Variants in ALKBH1 observed in about 807,000 individuals in gnomAD.
The protein encoded by ALKBH1 is alkB homolog 1, histone H2A dioxygenase.
Under a neutral mutation model 36.6 loss-of-function variants are expected in ALKBH1, and 31 were observed. That is an observed-to-expected ratio of 0.85 (90% CI 0.64 to 1.14). The LOEUF (loss-of-function observed/expected upper bound fraction) is 1.14. Among genes scored for constraint, ALKBH1 ranks in the 50% most tolerant of loss-of-function variants. The pLI, the probability that ALKBH1 is intolerant of heterozygous loss-of-function variation, is 0.00. For synonymous variants in ALKBH1, 183 were observed against 186.6 expected, an observed-to-expected ratio of 0.98 and a Z score of 0.16; for missense variants, 490 against 497.3, an observed-to-expected ratio of 0.99 and a Z score of 0.14.
chr14:77,702,101 C>T (rs1203177012), intron 2 of ALKBH1, among the ~76,000 whole-genome samples: 1 of 152,162 alleles, frequency 6.6e-6, no homozygotes, highest in East Asian at 1.9e-4. Context: ...GAGTTCAAGA[C>T]CAGCCTGACC....
chr14:77,699,088 A>C (rs1430033319), intron 2 of ALKBH1, among the ~76,000 whole-genome samples: 1 of 152,182 alleles, frequency 6.6e-6, no homozygotes, highest in African/African-American at 2.4e-5. Flanking sequence ...CGGTCTCTTT[A>C]GCACTCAATT....
chr14:77,693,224 A>AC (rs369220185), intron 3 of ALKBH1, among the ~76,000 whole-genome samples: 12 of 126,434 alleles, frequency 9.5e-5, no homozygotes, highest in Middle Eastern at 3.9e-3. Flanking sequence ...AAAAAAAAAA[A>AC]TTTTTTTTCA....
intron 1 of ALKBH1, among the ~76,000 whole-genome samples, chr14:77,707,101 G>T (rs1325312484): frequency 6.6e-6 from 1 of 152,198 alleles, no homozygotes; most frequent in Non-Finnish European, 1.5e-5. Flanking sequence ...AACAGGTTAT[G>T]AGACTGGCTA....
intron 3 of ALKBH1, among the ~76,000 whole-genome samples, chr14:77,684,509 G>A (rs1038335654): frequency 6.6e-6 from 1 of 152,096 alleles, no homozygotes; most frequent in African/African-American, 2.4e-5. Context: ...TTACAGGCAT[G>A]CACCACCACG....
chr14:77,689,395 C>T (rs1429119287), intron 3 of ALKBH1, among the ~76,000 whole-genome samples: 1 of 152,088 alleles, frequency 6.6e-6, no homozygotes, highest in Non-Finnish European at 1.5e-5. Flanking sequence ...ATCCTAGCAT[C>T]ACATATTTTC....
chr14:77,694,598 G>A, intron 3 of ALKBH1, 140 bp downstream of exon 3: 1 of 547,266 alleles, frequency 1.8e-6, no homozygotes, highest in Non-Finnish European at 3.0e-6. Flanking sequence ...ATACAATTGT[G>A]CTGTTTTTGC....
At chr14:77,702,986 T>C (rs1241402640) in intron 2 of ALKBH1, among the ~76,000 whole-genome samples, 1 of 152,034 alleles carries the variant, frequency 6.6e-6, no homozygotes, top group East Asian at 1.9e-4. Flanking sequence ...ACCCTGTCTC[T>C]ACTAAAAATA....
At chr14:77,677,919 C>G (rs1251086196) in intron 4 of ALKBH1, among the ~76,000 whole-genome samples, 2 of 151,996 alleles carry the variant, frequency 1.3e-5, no homozygotes, top group Non-Finnish European at 1.5e-5. Flanking sequence ...TCAACCCTGT[C>G]CAAACTGTCT....
At chr14:77,678,207 C>T (rs889497332) in intron 4 of ALKBH1, among the ~76,000 whole-genome samples, 1 of 149,446 alleles carries the variant, frequency 6.7e-6, no homozygotes, top group Admixed American at 6.7e-5. Flanking sequence ...TCACAACTGC[C>T]TTATGAGGTA....
intron 4 of ALKBH1, among the ~76,000 whole-genome samples, chr14:77,679,493 C>T (rs2080224877): frequency 6.6e-6 from 1 of 151,908 alleles, no homozygotes; most frequent in Admixed American, 6.6e-5. Flanking sequence ...TGCAGTGGTG[C>T]GATCTTGGCT....
At position 77,673,790 on chromosome 14, in the gene ALKBH1, A is replaced by G; in HGVS notation, c.*22T>C. ...TTTACGGTAAGCAGGTGCCTGAGTA[A>G]AAAGGATGGGATCTCCAAGTCTCAG... is the stretch of plus-strand genomic sequence containing the variant. On this transcript the variant is annotated 3_prime_UTR_variant, in exon 6 of 6. Transcript: ENST00000216489. The G allele has an allele frequency of 6.3e-7, 1 of 1,597,348 alleles. No homozygotes were observed. The highest frequency in any genetic ancestry group is 8.5e-7 in the Non-Finnish European group (1 of 1,170,294).
rs760067782 is a variant in ALKBH1 at position 77,708,001 on chromosome 14, C to T, written c.4G>A (p.Gly2Arg). The T allele has an allele frequency of 1.2e-6, 2 of 1,609,074 alleles. No individual in the cohort carries two copies. The highest frequency in any genetic ancestry group is 2.7e-5 in the African/African-American group (2 of 74,830). Residue 2 changes from glycine to arginine, a missense_variant, in exon 1 of 6, where the codon GGG becomes AGG. By Grantham distance (125) the Gly-to-Arg change is moderately radical. Coordinates refer to ENST00000216489, the MANE Select transcript of ALKBH1 (RefSeq NM_006020.3). ...GAGCCCACGGCCGCTGCCATCTTCC[C>T]CATCTCGCGGCCTATACCCTCTGAT... M[G>R]KMAAAVGSVA... is the part of the protein sequence containing the mutation.
intron 2 of ALKBH1, among the ~76,000 whole-genome samples, chr14:77,703,717 C>T (rs1443005590): frequency 1.3e-5 from 2 of 151,106 alleles, no homozygotes; most frequent in Non-Finnish European, 2.9e-5. Context: ...CCTGTCTCAG[C>T]CTCCCAAGTA....
chr14:77,701,563 C>T (rs147759864), intron 2 of ALKBH1, among the ~76,000 whole-genome samples: 1 of 152,114 alleles, frequency 6.6e-6, no homozygotes, highest in East Asian at 1.9e-4. Flanking sequence ...GTTTCCAGGC[C>T]TATTATCCTC....
chr14:77,683,151 T>C, intron 3 of ALKBH1: 1 of 35,620 alleles, frequency 2.8e-5, no homozygotes, highest in East Asian at 3.3e-4. Context: ...TGTAAAGTCT[T>C]TTTTTTTTTT....
chr14:77,704,409 G>C lies in ALKBH1; in HGVS notation c.252C>G (p.Pro84=), dbSNP rs193191801. The C allele has an allele frequency of 3.7e-6, 6 of 1,614,050 alleles. No individual in the cohort carries two copies. The Middle Eastern group carries it at 4.9e-4, about 133-fold the overall frequency. The change falls in exon 2 of 6, where the codon CCC becomes CCG. Residue 84 remains proline, a synonymous_variant. Transcript: ENST00000216489. ...EQNAYRAGLQ[P]VSKWQAYGLK... The stretch of plus-strand genomic sequence containing the variant: ...GTCCATAGGCTTGCCACTTGCTGAC[G>C]GGCTGAAGACCTGCTCTATATGCAT...
chr14:77,695,766 C>T (rs938903259), intron 2 of ALKBH1, among the ~76,000 whole-genome samples: 4 of 152,126 alleles, frequency 2.6e-5, no homozygotes, highest in African/African-American at 4.8e-5. Context: ...TCTTTGTGAC[C>T]TTGACAGCAA....
At chr14:77,689,642 G>C (rs766394028) in intron 3 of ALKBH1, among the ~76,000 whole-genome samples, 9 of 151,908 alleles carry the variant, frequency 5.9e-5, no homozygotes, top group Non-Finnish European at 1.3e-4. Flanking sequence ...AGGAGACAGG[G>C]GTAGATAACT....
At position 77,674,245 on chromosome 14, in the gene ALKBH1, C is replaced by CA. The variant is rs747025829; in HGVS notation, c.741-5dup. On this transcript the variant is annotated splice_region_variant and splice_polypyrimidine_tract_variant and intron_variant, in intron 5 of 5. Transcript: ENST00000216489. ...AAAGATGGCGGACTGTCCAAAGCTACAAAAAATAAGTAAAAACACACAACA... is the reference window on the plus strand; with the variant it reads ...AAAGATGGCGGACTGTCCAAAGCTACAAAAAAATAAGTAAAAACACACAACA... The CA allele has an allele frequency of 6.5e-7, 1 of 1,546,310 alleles. No homozygotes were observed. The highest frequency in any genetic ancestry group is 2.2e-5 in the Admixed American group (1 of 46,184).
Sources: allele counts gnomAD v4.1 joint callset (sites outside exome capture counted in the v4.1 genomes callset), GRCh38; gene constraint gnomAD v4.1.1; transcripts MANE v1.5; gene names NCBI Gene and HGNC (gene_info 2026-07-23, HGNC 2026-07-21).